ADAR: variants seen among roughly 807,000 people sequenced by gnomAD.
ADAR encodes the protein adenosine deaminase RNA specific.
Under a neutral mutation model 113.2 loss-of-function variants are expected in ADAR, and 41 were observed. The observed-to-expected ratio is 0.36, with a 90% CI of 0.28 to 0.47. The LOEUF (loss-of-function observed/expected upper bound fraction) is 0.47, where lower values mean the gene tolerates loss of function less well. Among genes scored for constraint, ADAR ranks in the 20% least tolerant of loss-of-function variants. ADAR has a pLI of 1.00. For missense variants in ADAR, 1,242 were observed against 1,540.9 expected, an observed-to-expected ratio of 0.81 and a Z score of 3.25; for synonymous variants, 605 against 572.6, an observed-to-expected ratio of 1.06 and a Z score of -0.81.
chr1:154,596,802 CACTT>C lies in ADAR; in HGVS notation c.2269_2270+2del, dbSNP rs1697528409. On this transcript the variant is annotated splice_donor_variant and coding_sequence_variant, in exon 6 of 15. Transcript: ENST00000368474. LOFTEE classifies it high-confidence loss of function. ...ATGCATTAGCCAGGACTAGGACACT[CACTT>C]GGGCTCGTGAGGAGGTCCGGACTGG... 1 of 1,612,774 alleles carries C rather than the reference CACTT, an allele frequency of 6.2e-7. No individual in the cohort carries two copies. Among genetic ancestry groups the C allele is most frequent in the Non-Finnish European group, 8.5e-7 (1 of 1,180,018 alleles).
At chr1:154,590,145 C>G (rs1437398360) in intron 7 of ADAR, 39 bp downstream of exon 7, 2 of 1,133,700 alleles carry the variant, frequency 1.8e-6, no homozygotes, top group Admixed American at 1.7e-5. Context: ...AGGAGGACCC[C>G]CCCGCCCCAA....
chr1:154,590,463 C>A, intron 6 of ADAR, 54 bp from the exon 7 acceptor site: 2 of 1,557,206 alleles, frequency 1.3e-6, no homozygotes, highest in South Asian at 2.2e-5. Context: ...GACATTGTTC[C>A]AAGGAAGGGT....
chr1:154,597,711 C>G, intron 4 of ADAR, 117 bp downstream of exon 4: 3 of 1,398,372 alleles, frequency 2.1e-6, no homozygotes, highest in Non-Finnish European at 3.0e-6. Flanking sequence ...CCTCCTTTCC[C>G]CATTTTGAAA....
At chr1:154,618,145 T>C (rs1336591790) in intron 1 of ADAR, among the ~76,000 whole-genome samples, 1 of 151,048 alleles carries the variant, frequency 6.6e-6, no homozygotes, top group African/African-American at 2.4e-5. Flanking sequence ...ATTCTTTATA[T>C]ACTTTAATGT....
At chr1:154,615,246 G>C (rs931844414) in intron 1 of ADAR, among the ~76,000 whole-genome samples, 1 of 152,192 alleles carries the variant, frequency 6.6e-6, no homozygotes, top group African/African-American at 2.4e-5. Flanking sequence ...ACAGCCACGG[G>C]AAACTACTAC....
At chr1:154,610,700 C>T (rs1698454232), upstream of ADAR, among the ~76,000 whole-genome samples, 1 of 150,738 alleles carries the variant, frequency 6.6e-6, no homozygotes. Context: ...GTCCCAGCTA[C>T]TGGGGAGGCT....
At chr1:154,589,719 G>T in intron 8 of ADAR, 38 bp downstream of exon 8, 4 of 1,613,726 alleles carry the variant, frequency 2.5e-6, no homozygotes, top group Non-Finnish European at 2.5e-6. Context: ...CCGCTTTCAG[G>T]CGCCATGGGA....
Position 154,596,945 on chromosome 1 carries a change from G to A in ADAR, c.2130C>T (p.Pro710=), listed in dbSNP as rs1697539876. 2 of 1,614,008 alleles carry A rather than the reference G, an allele frequency of 1.2e-6. No homozygotes were observed. Among genetic ancestry groups the A allele is most frequent in the East Asian group, 2.2e-5 (1 of 44,884 alleles). ...ESLDNLESMM[P]NKVRKIGELV... ...GCTCGCCAATCTTCCTGACCTTGTT[G>A]GGCATCATGGATTCCAAGTTATCAA... is the stretch of plus-strand genomic sequence containing the variant. Residue 710 remains proline, a synonymous_variant, in exon 6 of 15, where the codon CCC becomes CCT. Coordinates refer to ENST00000368474, the MANE Select transcript of ADAR (RefSeq NM_001111.5).
rs144500439 is a variant in ADAR, at chr1:154,583,370, C to G, written c.*1436G>C. On this transcript the variant is annotated 3_prime_UTR_variant, in exon 15 of 15. Coordinates refer to ENST00000368474, the MANE Select transcript of ADAR (RefSeq NM_001111.5). ...TCAACATGAGTAAAGGAAACAGTTT[C>G]AAGCACTGACAGTTTTTACGAGTGA... 1 of 152,316 alleles carries G rather than the reference C, an allele frequency of 6.6e-6. No individual in the cohort carries two copies. Among genetic ancestry groups the G allele is most frequent in the South Asian group, 2.1e-4 (1 of 4,828 alleles). 9.4% of individuals were successfully genotyped at this position (152,316 alleles called of 1,614,324 possible).
intron 1 of ADAR, among the ~76,000 whole-genome samples, chr1:154,607,710 G>C (rs1312002813): frequency 6.6e-6 from 1 of 150,988 alleles, no homozygotes; most frequent in Non-Finnish European, 1.5e-5. Context: ...CAGCAATGCT[G>C]CTTGGCAAGA....
Position 154,596,051 on chromosome 1 carries a change from CGT to C in ADAR, c.2270+752_2270+753del, listed in dbSNP as rs1478026026. The stretch of plus-strand genomic sequence containing the variant: ...AACCGGCCATACCATACAGCCTGTA[CGT>C]GTGTAGGAGCCCATGCCATCTAGGT... On this transcript the variant is annotated intron_variant, in intron 6 of 14. Transcript: ENST00000368474. Among the ~76,000 whole-genome samples, 3 of 152,290 alleles carry C rather than the reference CGT, an allele frequency of 2.0e-5. No homozygotes were observed. The East Asian group carries it at 5.8e-4, about 29-fold the overall frequency.
Position 154,597,839 on chromosome 1 carries a change from G to C in ADAR, c.1923C>G (p.Ala641=), listed in dbSNP as rs1007006796. ...CACGTAGGACATACTTGGGTTCATG[G>C]GCAGGGCCTTCTTTGGACAGGAGAC... ...EFRLLSKEGP[A]HEPKFQYCVA... The change falls in exon 4 of 15, where the codon GCC becomes GCG. Residue 641 remains alanine (A), a synonymous_variant. Coordinates refer to ENST00000368474, the MANE Select transcript of ADAR (RefSeq NM_001111.5). The C allele has an allele frequency of 5.6e-6, 9 of 1,613,944 alleles. No homozygotes were observed. The highest frequency in any genetic ancestry group is 6.8e-6 in the Non-Finnish European group (8 of 1,180,018).
In ADAR at chr1:154,602,189, C is replaced by T. The variant is rs767493680; in HGVS notation, c.453G>A (p.Gly151=). Residue 151 remains glycine, a synonymous_variant, in exon 2 of 15, where the codon GGG becomes GGA. Coordinates refer to ENST00000368474, the MANE Select transcript of ADAR (RefSeq NM_001111.5). ...CATGTGCTGTGGTGGCCTTCCCTTC[C>T]CCAAGCTCTTCCAGGAACTTTAAGA... ...QRILKFLEEL[G]EGKATTAHDL... 6.2e-7 allele frequency: 1 copy of T among 1,614,194 alleles called. No homozygotes were observed. The highest frequency in any genetic ancestry group is 1.1e-5 in the South Asian group (1 of 91,082).
intron 8 of ADAR, 87 bp from the exon 9 acceptor site, chr1:154,589,549 G>T: frequency 7.6e-7 from 1 of 1,321,448 alleles, no homozygotes; most frequent in Non-Finnish European, 1.1e-6. Flanking sequence ...AAAGCTTCAA[G>T]GCAGAAACAG....
At chr1:154,590,075 C>A in intron 7 of ADAR, 109 bp downstream of exon 7, 1 of 1,499,746 alleles carries the variant, frequency 6.7e-7, no homozygotes. Flanking sequence ...TCTCTCGAGG[C>A]TAAGAGTAAA....
At chr1:154,625,602 T>C (rs1283261212) in intron 1 of ADAR, among the ~76,000 whole-genome samples, 1 of 152,256 alleles carries the variant, frequency 6.6e-6, no homozygotes, top group Non-Finnish European at 1.5e-5. Flanking sequence ...CTCATGCCTG[T>C]AATCCCATCA....
At chr1:154,624,219 T>G (rs569747448) in intron 1 of ADAR, among the ~76,000 whole-genome samples, 1 of 152,230 alleles carries the variant, frequency 6.6e-6, no homozygotes, top group East Asian at 1.9e-4. Flanking sequence ...TTACACTGGG[T>G]TTGTGCCACT....
chr1:154,588,661 A>G lies in ADAR; in HGVS notation c.2775T>C (p.Ser925=). 1 of 1,614,200 alleles carries G rather than the reference A, an allele frequency of 6.2e-7. No homozygotes were observed. Among genetic ancestry groups the G allele is most frequent in the Non-Finnish European group, 8.5e-7 (1 of 1,180,028 alleles). Residue 925 remains serine, a synonymous_variant, in exon 10 of 15, where the codon AGT becomes AGC. Coordinates refer to ENST00000368474, the MANE Select transcript of ADAR (RefSeq NM_001111.5). ...SRRGFIRFLY[S]ELMKYNSQTA... is the part of the protein sequence containing the mutation. ...TCTGGGAGTTGTATTTCATTAACTC[A>G]CTGTAGAGAAACCTACAAAAAGAAA...
At position 154,585,360 on chromosome 1, in the gene ADAR, G is replaced by C. The variant is rs754909953; in HGVS notation, c.3316-16C>G. ...CTCTGCCAACCTAGGAATCCCAGAA[G>C]CAACGGGAGAAAGATGGAAACCTTT... is the stretch of plus-strand genomic sequence containing the variant. On this transcript the variant is annotated splice_polypyrimidine_tract_variant and intron_variant, in intron 13 of 14. Transcript: ENST00000368474. The C allele has an allele frequency of 2.5e-6, 4 of 1,614,050 alleles. No homozygotes were observed. In the East Asian group the frequency reaches 8.9e-5, roughly 36 times the overall value.
Sources: allele counts gnomAD v4.1 joint callset (sites outside exome capture counted in the v4.1 genomes callset), GRCh38; gene constraint gnomAD v4.1.1; transcripts MANE v1.5; gene names NCBI Gene and HGNC (gene_info 2026-07-23, HGNC 2026-07-21).